The following ARIH2 variants were observed in gnomAD, a reference collection of about 807,000 sequenced individuals.
The protein encoded by ARIH2 is E3 ubiquitin-protein ligase ARIH2.
ARIH2 carries 12 observed loss-of-function variants against 79.8 expected under a neutral mutation model. That is an observed-to-expected ratio of 0.15 (90% CI 0.10 to 0.24). The LOEUF is 0.24. Ranked by LOEUF, ARIH2 falls within the 10% of genes least tolerant of loss-of-function variation. The pLI is 1.00. For synonymous variants in ARIH2, 224 were observed against 213.9 expected, an observed-to-expected ratio of 1.05 and a Z score of -0.41; for missense variants, 301 against 618.3, an observed-to-expected ratio of 0.49 and a Z score of 5.44.
chr3:48,927,467 A>G lies in ARIH2; in HGVS notation c.-92A>G. ...TTTTTTTTTTCCTCCCTTAGAAGAC[A>G]AAAATACTAATGCATTTGAGAAAGC... On this transcript the variant is annotated 5_prime_UTR_variant, in exon 3 of 16. Transcript: ENST00000356401. 1 of 1,497,542 alleles carries G rather than the reference A, an allele frequency of 6.7e-7. No homozygotes were observed. Among genetic ancestry groups the G allele is most frequent in the South Asian group, 1.3e-5 (1 of 75,718 alleles). 92.8% of individuals were successfully genotyped at this position (1,497,542 alleles called of 1,614,324 possible). A position where few individuals can be genotyped will look rare whatever the true frequency, so the allele number is the denominator to read the frequency against.
chr3:48,958,224 G>T (rs1305904076), intron 3 of ARIH2, among the ~76,000 whole-genome samples: 1 of 152,112 alleles, frequency 6.6e-6, no homozygotes, highest in African/African-American at 2.4e-5. Context: ...GGGAGGCTGA[G>T]GTGAGAGTAT....
At position 48,982,742 on chromosome 3, in the gene ARIH2, T is replaced by C. The variant is rs1028890202; in HGVS notation, c.1327-154T>C. On this transcript the variant is annotated intron_variant, in intron 14 of 15. Transcript: ENST00000356401. The stretch of plus-strand genomic sequence containing the variant: ...TAGCCTTTTGTTTGGATTCTGGCTC[T>C]GGGCACAGGGAATAACACTACTTTC... The C allele has an allele frequency of 1.1e-5, 7 of 618,938 alleles. No homozygotes were observed. In the African/African-American group the frequency reaches 1.3e-4, roughly 11 times the overall value. 38.3% of individuals were successfully genotyped at this position (618,938 alleles called of 1,614,324 possible).
chr3:48,926,354 G>A (rs922328846), intron 2 of ARIH2, among the ~76,000 whole-genome samples: 3 of 151,836 alleles, frequency 2.0e-5, no homozygotes, highest in East Asian at 1.9e-4. Context: ...TATAACCTCC[G>A]CCTCCTGGGT....
intron 8 of ARIH2, among the ~76,000 whole-genome samples, chr3:48,972,720 T>G (rs2092305346): frequency 6.6e-6 from 1 of 152,078 alleles, no homozygotes; most frequent in Non-Finnish European, 1.5e-5. Context: ...TCTAAAGCAA[T>G]CCTTTTTTTA....
intron 3 of ARIH2, among the ~76,000 whole-genome samples, chr3:48,928,714 A>G (rs2085965579): frequency 6.6e-6 from 1 of 151,816 alleles, no homozygotes. Context: ...AATTTGCTTT[A>G]TCTACTAGTT....
Position 48,922,735 on chromosome 3 carries a change from C to G in ARIH2, c.-161-13C>G, listed in dbSNP as rs1206543016. The G allele has an allele frequency of 6.6e-6, 1 of 151,936 alleles. No individual in the cohort carries two copies. The highest frequency in any genetic ancestry group is 2.1e-4 in the South Asian group (1 of 4,822). 9.4% of individuals were successfully genotyped at this position (151,936 alleles called of 1,614,324 possible). A position where few individuals can be genotyped will look rare whatever the true frequency, so the allele number is the denominator to read the frequency against. On this transcript the variant is annotated splice_polypyrimidine_tract_variant and intron_variant, in intron 1 of 15. Coordinates refer to ENST00000356401, the MANE Select transcript of ARIH2 (RefSeq NM_006321.4). The stretch of plus-strand genomic sequence containing the variant: ...CAGCTTTAAAAATATAAATATAATT[C>G]TTTTCATTTTAGATGGAAATCATAT...
chr3:48,938,628 G>T (rs898808163), intron 3 of ARIH2, among the ~76,000 whole-genome samples: 1 of 152,116 alleles, frequency 6.6e-6, no homozygotes, highest in Non-Finnish European at 1.5e-5. Flanking sequence ...TATTAAAGGG[G>T]TTAAAGTAAA....
intron 7 of ARIH2, among the ~76,000 whole-genome samples, chr3:48,970,338 G>T (rs1183938526): frequency 2.0e-5 from 3 of 152,170 alleles, no homozygotes; most frequent in Non-Finnish European, 2.9e-5. Flanking sequence ...ACTATAGGCA[G>T]GAGCCACTAT....
intron 3 of ARIH2, chr3:48,945,206 A>G: frequency 7.8e-7 from 1 of 1,289,340 alleles, no homozygotes; most frequent in South Asian, 1.2e-5. Context: ...GGCTGGTGAC[A>G]GTTTTGGTGG....
intron 3 of ARIH2, among the ~76,000 whole-genome samples, chr3:48,940,509 G>A (rs527420050): frequency 6.6e-6 from 1 of 151,818 alleles, no homozygotes; most frequent in African/African-American, 2.4e-5. Flanking sequence ...AGAAGTCAGG[G>A]ACCCTAAATG....
intron 7 of ARIH2, 70 bp downstream of exon 7, chr3:48,968,725 C>G (rs914947103): frequency 3.1e-5 from 49 of 1,560,092 alleles, no homozygotes; most frequent in Middle Eastern, 2.1e-4. Flanking sequence ...ACCACAGTTA[C>G]TTACTTTGTA....
chr3:48,955,177 G>T (rs545215663), intron 3 of ARIH2, among the ~76,000 whole-genome samples: 2 of 152,276 alleles, frequency 1.3e-5, no homozygotes, highest in East Asian at 3.9e-4. Flanking sequence ...TAGCCTGGGC[G>T]ACAGAATGAC....
Position 48,985,271 on chromosome 3 carries a change from G to A in ARIH2, c.*2001G>A, listed in dbSNP as rs1035849798. On this transcript the variant is annotated 3_prime_UTR_variant, in exon 16 of 16. Transcript: ENST00000356401. ...GGATGCTGGAGCTGGAGGGTTTTCT[G>A]TGCTCAGACTGTAGCCTGTAGCTCT... The A allele has an allele frequency of 6.6e-6, 1 of 152,380 alleles. No homozygotes were observed. Among genetic ancestry groups the A allele is most frequent in the Non-Finnish European group, 1.5e-5 (1 of 68,126 alleles). The allele number at this position is 152,380 out of a possible 1,614,324, so 9.4% of individuals were successfully genotyped here.
intron 7 of ARIH2, 21 bp downstream of exon 7, chr3:48,968,676 G>T: frequency 6.2e-7 from 1 of 1,600,296 alleles, no homozygotes; most frequent in Non-Finnish European, 8.5e-7. Context: ...CCTTTGTTCT[G>T]CCCTCTGTCT....
At chr3:48,981,770 A>G (rs2092760294) in intron 14 of ARIH2, 42 bp downstream of exon 14, 2 of 1,534,224 alleles carry the variant, frequency 1.3e-6, no homozygotes, top group Non-Finnish European at 1.8e-6. Context: ...GTTAGCCTCA[A>G]AGGTGCCCTT....
At chr3:48,960,772 A>T (rs1248965109) in intron 3 of ARIH2, among the ~76,000 whole-genome samples, 1 of 152,054 alleles carries the variant, frequency 6.6e-6, no homozygotes, top group Non-Finnish European at 1.5e-5. Flanking sequence ...AAAAAAAAAA[A>T]AGTCTTTCTA....
intron 1 of ARIH2, among the ~76,000 whole-genome samples, chr3:48,919,743 GA>G (rs1161652536): frequency 6.6e-6 from 1 of 152,150 alleles, no homozygotes; most frequent in African/African-American, 2.4e-5. Flanking sequence ...TATTAGAAAA[GA>G]CAGATACAAA....
rs1576586512 is a variant in ARIH2, at chr3:48,983,386, T to G, written c.*116T>G. The G allele has an allele frequency of 1.1e-6, 1 of 937,556 alleles. No homozygotes were observed. The highest frequency in any genetic ancestry group is 2.4e-5 in the East Asian group (1 of 41,786). The allele number at this position is 937,556 out of a possible 1,614,324, so 58.1% of individuals were successfully genotyped here. ...CCCCAGGCAACAGCCAGGGCCCCAC[T>G]CCTGAGAGACACTGGCAACACCTCT... On this transcript the variant is annotated 3_prime_UTR_variant, in exon 16 of 16. Transcript: ENST00000356401.
intron 3 of ARIH2, among the ~76,000 whole-genome samples, chr3:48,937,196 C>G (rs2087277617): frequency 6.6e-6 from 1 of 152,224 alleles, no homozygotes; most frequent in Non-Finnish European, 1.5e-5. Context: ...AAGTTATTCT[C>G]TTTGACTAGC....
Sources: allele counts gnomAD v4.1 joint callset (sites outside exome capture counted in the v4.1 genomes callset), GRCh38; gene constraint gnomAD v4.1.1; transcripts MANE v1.5; gene names NCBI Gene and HGNC (gene_info 2026-07-23, HGNC 2026-07-21).